The following CCL25 variants were observed in gnomAD, a reference collection of about 807,000 sequenced individuals.
CCL25 encodes C-C motif chemokine 25.
A neutral mutation model predicts 19.9 loss-of-function variants in CCL25; 14 were observed. The observed-to-expected ratio is 0.70, with a 90% CI of 0.47 to 1.10. The LOEUF is 1.10. Among genes scored for constraint, CCL25 ranks in the 50% least tolerant of loss-of-function variants. The probability of loss-of-function intolerance (pLI) is 0.00; values close to 1 mark genes in which losing one functional copy is unlikely to be tolerated. For missense variants in CCL25, 151 were observed against 181.2 expected, an observed-to-expected ratio of 0.83 and a Z score of 0.96; for synonymous variants, 68 against 73.2, an observed-to-expected ratio of 0.93 and a Z score of 0.36.
intron 5 of CCL25, among the ~76,000 whole-genome samples, chr19:8,060,040 G>A (rs2081306993): frequency 6.6e-6 from 1 of 151,892 alleles, no homozygotes; most frequent in African/African-American, 2.4e-5. Context: ...AGTAAGCCGA[G>A]ATCAAGCCAC....
chr19:8,057,889 G>A lies in CCL25; in HGVS notation c.414G>A (p.Arg138=), dbSNP rs1005706868. The part of the protein sequence containing the change: ...KFSNPISSSK[R]NVSLLISANS... ...GCAATCCCATCAGCAGCAGTAAGAGGAATGTCTCCCTCCTGATATCAGCTA... is the reference window on the plus strand; with the variant it reads ...GCAATCCCATCAGCAGCAGTAAGAGAAATGTCTCCCTCCTGATATCAGCTA... Residue 138 remains arginine (R), a synonymous_variant, in exon 5 of 6, where the codon AGG becomes AGA. Transcript: ENST00000315626. 6.2e-7 allele frequency: 1 copy of A among 1,613,164 alleles called. No individual in the cohort carries two copies. The highest frequency in any genetic ancestry group is 1.1e-5 in the South Asian group (1 of 91,046).
intron 4 of CCL25, among the ~76,000 whole-genome samples, chr19:8,057,313 C>G (rs527680553): frequency 1.3e-5 from 2 of 150,722 alleles, no homozygotes; most frequent in South Asian, 2.1e-4. Context: ...AACCACCATG[C>G]CTGGCTCCAG....
Position 8,057,854 on chromosome 19 carries a change from T to C in CCL25, c.379T>C (p.Ser127Pro), listed in dbSNP as rs1376976900. 1 of 1,613,562 alleles carries C rather than the reference T, an allele frequency of 6.2e-7. No individual in the cohort carries two copies. The change falls in exon 5 of 6, where the codon TCC (serine) becomes CCC (proline). Residue 127 changes from serine to proline, a missense_variant. By Grantham distance (74) the Ser-to-Pro change is moderately conservative. Transcript: ENST00000315626. ...LSSGNSKLSS[S>P]KFSNPISSSK... ...TTCTGGAAACTCCAAGTTATCATCG[T>C]CCAAGTTTAGCAATCCCATCAGCAG...
intron 5 of CCL25, among the ~76,000 whole-genome samples, chr19:8,059,042 C>T (rs1182182708): frequency 9.0e-6 from 1 of 110,574 alleles, no homozygotes; most frequent in Non-Finnish European, 1.8e-5. Context: ...AATATATAAA[C>T]ATATATGTAA....
rs374838357 is a variant in CCL25, at chr19:8,056,118, G to C, written c.74-34G>C. On this transcript the variant is annotated intron_variant, in intron 2 of 5. Transcript: ENST00000315626. ...CTGGCCCTGCCAAGTTAACATGCAA[G>C]GGTGCGAGTATCTGGGCGGCTGTGT... 2.7e-4 allele frequency: 385 copies of C among 1,405,550 alleles called. 2 individuals carry two copies. In the South Asian group the frequency reaches 4.9e-3, roughly 18 times the overall value. The allele number at this position is 1,405,550 out of a possible 1,614,324, so 87.1% of individuals were successfully genotyped here.
At chr19:8,060,297 T>C (rs914706523) in intron 5 of CCL25, among the ~76,000 whole-genome samples, 11 of 151,956 alleles carry the variant, frequency 7.2e-5, no homozygotes, top group Non-Finnish European at 1.3e-4. Context: ...GCTATGATCA[T>C]ACCATTGGAA....
chr19:8,061,016 C>T (rs192459187), intron 5 of CCL25, among the ~76,000 whole-genome samples: 66 of 112,052 alleles, frequency 5.9e-4, no homozygotes, highest in African/African-American at 2.1e-3. Context: ...GACAGAGTCT[C>T]ACTCTGTCAC....
chr19:8,059,154 A>ATATATAATATATAAATATATAT (rs1568336073), intron 5 of CCL25, among the ~76,000 whole-genome samples: 1 of 3,656 alleles, frequency 2.7e-4, no homozygotes, highest in Non-Finnish European at 6.5e-4. Flanking sequence ...AATATATAAT[A>ATATATAATATATAAATATATAT]TATATAATAT....
At chr19:8,054,233 G>A (rs369447592) in intron 2 of CCL25, among the ~76,000 whole-genome samples, 61 of 152,330 alleles carry the variant, frequency 4.0e-4, no homozygotes, top group African/African-American at 1.4e-3. Flanking sequence ...CCTGCCCCTC[G>A]GCTGGGTCTG....
intron 5 of CCL25, among the ~76,000 whole-genome samples, chr19:8,059,029 T>A (rs1235058307): frequency 1.7e-4 from 22 of 125,744 alleles, no homozygotes; most frequent in African/African-American, 6.3e-4. Context: ...TATAAATATA[T>A]GTAATATATA....
intron 2 of CCL25, among the ~76,000 whole-genome samples, chr19:8,053,973 C>T (rs183311456): frequency 2.3e-4 from 35 of 152,286 alleles, no homozygotes; most frequent in African/African-American, 8.4e-4. Flanking sequence ...TCATGTCTGG[C>T]GGCGGCAATA....
chr19:8,058,073 C>T (rs2145290658), intron 5 of CCL25, 153 bp downstream of exon 5: 1 of 1,337,676 alleles, frequency 7.5e-7, no homozygotes, highest in Middle Eastern at 2.7e-4. Flanking sequence ...AGGGGAGGGT[C>T]CTCGGTGGCT....
intron 1 of CCL25, 59 bp from the exon 2 acceptor site, chr19:8,052,941 T>C: frequency 3.0e-6 from 2 of 670,490 alleles, no homozygotes; most frequent in South Asian, 4.0e-5. Context: ...GGGGGGATGT[T>C]CCCAGTACCC....
chr19:8,053,333 A>G (rs543155153), intron 2 of CCL25, among the ~76,000 whole-genome samples: 1 of 152,044 alleles, frequency 6.6e-6, no homozygotes. Flanking sequence ...CGAGAGCCCC[A>G]TGGAGTCTTT....
rs1599231389 is a variant in CCL25 at position 8,057,876 on chromosome 19, G to T, written c.401G>T (p.Ser134Ile). 1 of 1,613,526 alleles carries T rather than the reference G, an allele frequency of 6.2e-7. No individual in the cohort carries two copies. The highest frequency in any genetic ancestry group is 8.5e-7 in the Non-Finnish European group (1 of 1,179,566). ...TCGTCCAAGTTTAGCAATCCCATCAGCAGCAGTAAGAGGAATGTCTCCCTC... is the reference window on the plus strand; with the variant it reads ...TCGTCCAAGTTTAGCAATCCCATCATCAGCAGTAAGAGGAATGTCTCCCTC... Reference protein sequence around the residue: ...LSSSKFSNPISSSKRNVSLLI... With the variant: ...LSSSKFSNPIISSKRNVSLLI... The change falls in exon 5 of 6, where the codon AGC becomes ATC. Residue 134 changes from serine to isoleucine, a missense_variant. Transcript: ENST00000315626.
chr19:8,058,129 A>T (rs951908818), intron 5 of CCL25, among the ~76,000 whole-genome samples: 2 of 151,900 alleles, frequency 1.3e-5, no homozygotes, highest in Non-Finnish European at 2.9e-5. Context: ...CAAGTGAGAA[A>T]GTAAAGCCCC....
intron 2 of CCL25, among the ~76,000 whole-genome samples, chr19:8,054,745 C>T (rs1183844721): frequency 1.3e-5 from 2 of 151,720 alleles, no homozygotes; most frequent in South Asian, 2.1e-4. Flanking sequence ...CTGAAGACAA[C>T]ACTAGGTCTA....
chr19:8,059,353 C>T (rs897429776), intron 5 of CCL25, among the ~76,000 whole-genome samples: 2 of 150,412 alleles, frequency 1.3e-5, no homozygotes, highest in Non-Finnish European at 2.9e-5. Flanking sequence ...CATGCATCAC[C>T]ACGTCTGGCT....
chr19:8,058,355 GTA>G (rs2081288166), intron 5 of CCL25, among the ~76,000 whole-genome samples: 1 of 71,340 alleles, frequency 1.4e-5, no homozygotes, highest in Non-Finnish European at 2.8e-5. Context: ...ATATATATAA[GTA>G]AATATATAAT....
Sources: gnomAD v4.1 joint callset for allele counts (sites outside exome capture counted in the v4.1 genomes callset) on GRCh38, gnomAD v4.1.1 for gene constraint, MANE v1.5 for transcripts, NCBI Gene and HGNC (gene_info 2026-07-23, HGNC 2026-07-21) for gene names.